Variants in IL1RAPL2 observed in about 807,000 individuals in gnomAD.
IL1RAPL2 encodes the protein X-linked interleukin-1 receptor accessory protein-like 2.
IL1RAPL2 carries 3 observed loss-of-function variants against 44.1 expected under a neutral mutation model. That is an observed-to-expected ratio of 0.07 (90% confidence interval 0.03 to 0.18). The LOEUF is 0.18. IL1RAPL2 is among the 10% of genes least tolerant of loss of function. The probability of loss-of-function intolerance (pLI) is 1.00; values close to 1 mark genes in which losing one functional copy is unlikely to be tolerated. For missense variants in IL1RAPL2, 391 were observed against 496.4 expected, an observed-to-expected ratio of 0.79 and a Z score of 2.02; for synonymous variants, 181 against 178.8, an observed-to-expected ratio of 1.01 and a Z score of -0.10.
intron 5 of IL1RAPL2, among the ~76,000 whole-genome samples, chrX:105,351,992 G>A (rs1279945445): frequency 2.7e-5 from 3 of 111,310 alleles, no homozygotes; most frequent in Non-Finnish European, 5.7e-5. Flanking sequence ...CTGTTGTCCA[G>A]GCTGGACTGC....
chrX:105,238,169 G>A (rs1420208215), intron 4 of IL1RAPL2, among the ~76,000 whole-genome samples: 2 of 111,968 alleles, frequency 1.8e-5, no homozygotes, highest in East Asian at 5.6e-4. Context: ...ATTTGAACAC[G>A]GTTCAAACAG....
chrX:105,327,040 A>T (rs2034944563), intron 5 of IL1RAPL2, among the ~76,000 whole-genome samples: 1 of 112,303 alleles, frequency 8.9e-6, no homozygotes, highest in African/African-American at 3.2e-5. Context: ...AGTTGGGTAG[A>T]ATTGTCCTAG....
chrX:104,582,590 CTTTCTT>C (rs1220812531), intron 1 of IL1RAPL2, among the ~76,000 whole-genome samples: 116 of 28,263 alleles, frequency 4.1e-3, no homozygotes, highest in African/African-American at 0.011. Flanking sequence ...TTCTTTCTTT[CTTTCTT>C]TTTCTTTCTT....
intron 5 of IL1RAPL2, among the ~76,000 whole-genome samples, chrX:105,465,304 A>C (rs1305425498): frequency 8.9e-6 from 1 of 112,027 alleles, no homozygotes; most frequent in Non-Finnish European, 1.9e-5. Flanking sequence ...TTCCTCTTTG[A>C]AATTGACTCT....
rs747551168 is a variant in IL1RAPL2, at chrX:104,669,964, C to A, written c.82+10969C>A. Among the ~76,000 whole-genome samples, 3 of 111,889 alleles carry A rather than the reference C, an allele frequency of 2.7e-5. No individual in the cohort carries two copies. In the East Asian group the frequency reaches 8.5e-4, roughly 32 times the overall value. ...GCAAGTTTCCATATTCAGTAATCAC[C>A]AAGTTCTGCAGTTTGAATTCTCAAA... On this transcript the variant is annotated intron_variant, in intron 2 of 10. Coordinates refer to ENST00000372582, the MANE Select transcript of IL1RAPL2 (RefSeq NM_017416.2).
At chrX:105,280,583 GA>G (rs750040195) in intron 5 of IL1RAPL2, among the ~76,000 whole-genome samples, 49 of 106,441 alleles carry the variant, frequency 4.6e-4, no homozygotes, top group South Asian at 2.9e-3. Flanking sequence ...AAATTTACAA[GA>G]AAAAAAAAAC....
chrX:105,220,165 A>C lies in IL1RAPL2; in HGVS notation c.357-13653A>C, dbSNP rs377159924. ...TTGTAGCTGTGCCTGCCTGTGGGCA[A>C]AGCGCACTCCCAAGGCCAGGCTGCC... On this transcript the variant is annotated intron_variant, in intron 3 of 10. Coordinates refer to ENST00000372582, the MANE Select transcript of IL1RAPL2 (RefSeq NM_017416.2). 10 of 1,210,156 alleles carry C rather than the reference A, an allele frequency of 8.3e-6. No homozygotes were observed. The African/African-American group carries it at 1.7e-4, about 21-fold the overall frequency.
intron 7 of IL1RAPL2, among the ~76,000 whole-genome samples, chrX:105,739,465 A>G (rs1208019846): frequency 1.9e-5 from 2 of 104,292 alleles, no homozygotes; most frequent in Admixed American, 1.0e-4. Context: ...GTCATCTAGC[A>G]TTAGGTATAT....
intron 5 of IL1RAPL2, among the ~76,000 whole-genome samples, chrX:105,298,116 C>T (rs1013073601): frequency 9.0e-6 from 1 of 110,895 alleles, no homozygotes; most frequent in African/African-American, 3.3e-5. Flanking sequence ...CACCTCATAT[C>T]CTTATCATTT....
intron 2 of IL1RAPL2, among the ~76,000 whole-genome samples, chrX:105,028,969 AT>A (rs1159536129): frequency 2.7e-5 from 3 of 109,868 alleles, no homozygotes; most frequent in Non-Finnish European, 5.7e-5. Context: ...TATATTTTTC[AT>A]TCTTGTACTT....
chrX:105,104,187 G>A (rs2032707656), intron 2 of IL1RAPL2, among the ~76,000 whole-genome samples: 1 of 111,182 alleles, frequency 9.0e-6, no homozygotes, highest in African/African-American at 3.3e-5. Context: ...CTCAGAAAAG[G>A]ATTTTGTGCC....
At chrX:105,019,049 G>A (rs187226029) in intron 2 of IL1RAPL2, among the ~76,000 whole-genome samples, 171 of 111,373 alleles carry the variant, frequency 1.5e-3, no homozygotes, top group Admixed American at 3.2e-3. Context: ...AATTCTTGAG[G>A]GCTTACTTAT....
intron 2 of IL1RAPL2, among the ~76,000 whole-genome samples, chrX:104,734,467 A>G (rs1385585148): frequency 8.9e-6 from 1 of 112,934 alleles, no homozygotes; most frequent in African/African-American, 3.2e-5. Flanking sequence ...ATTCAGCAAT[A>G]AAAAATGAAC....
At chrX:105,181,606 G>A (rs2033531029) in intron 2 of IL1RAPL2, among the ~76,000 whole-genome samples, 1 of 111,701 alleles carries the variant, frequency 9.0e-6, no homozygotes, top group Non-Finnish European at 1.9e-5. Context: ...ACAACTTCAT[G>A]CATTTGTACA....
chrX:105,191,999 T>C (rs2033637028), intron 2 of IL1RAPL2, among the ~76,000 whole-genome samples: 1 of 111,816 alleles, frequency 8.9e-6, no homozygotes, highest in Admixed American at 9.5e-5. Flanking sequence ...CCACTGGAAT[T>C]GTGAACAGTA....
At chrX:105,463,587 C>T (rs1029344709) in intron 5 of IL1RAPL2, among the ~76,000 whole-genome samples, 13 of 110,373 alleles carry the variant, frequency 1.2e-4, no homozygotes, top group African/African-American at 3.6e-4. Flanking sequence ...CACACACACA[C>T]ACACACACAC....
intron 6 of IL1RAPL2, among the ~76,000 whole-genome samples, chrX:105,580,186 C>T (rs768257935): frequency 9.0e-6 from 1 of 111,089 alleles, no homozygotes; most frequent in Non-Finnish European, 1.9e-5. Context: ...TGCCCCAAAT[C>T]GCACATTTGC....
rs1224320787 is a variant in IL1RAPL2, at chrX:104,585,192, T to TATATATA, written c.-20+18141_-20+18142insATATATA. 2.6e-4 allele frequency among the ~76,000 whole-genome samples: 16 copies of TATATATA among 62,087 alleles called. 1 individual carries two copies. Among genetic ancestry groups the TATATATA allele is most frequent in the African/African-American group, 1.4e-3 (16 of 11,793 alleles). The allele number at this position is 62,087 out of a possible 115,157, so 53.9% of individuals were successfully genotyped here. The stretch of plus-strand genomic sequence containing the variant: ...ATGTATATATACACACATACACACA[T>TATATATA]GTATATGTATTATATATACACATAT... On this transcript the variant is annotated intron_variant, in intron 1 of 10. Transcript: ENST00000372582.
chrX:105,018,013 G>T (rs986065231), intron 2 of IL1RAPL2, among the ~76,000 whole-genome samples: 2 of 111,376 alleles, frequency 1.8e-5, no homozygotes, highest in Non-Finnish European at 3.8e-5. Flanking sequence ...GACCAAAAGT[G>T]GTTCCCCCCA....
Sources: allele counts gnomAD v4.1 joint callset (sites outside exome capture counted in the v4.1 genomes callset), GRCh38; gene constraint gnomAD v4.1.1; transcripts MANE v1.5; gene names NCBI Gene and HGNC (gene_info 2026-07-23, HGNC 2026-07-21).